Variants in RASA2 observed in about 807,000 individuals in gnomAD.
RASA2 encodes the protein ras GTPase-activating protein 2.
RASA2 carries 155 observed loss-of-function variants against 118.2 expected under a neutral mutation model. The observed-to-expected ratio is 1.31, with a 90% CI of 1.15 to 1.50. RASA2 has a LOEUF of 1.50. Ranked by LOEUF, RASA2 falls within the 40% of genes most tolerant of loss-of-function variation. RASA2 has a pLI of 0.00. For synonymous variants in RASA2, 353 were observed against 349.1 expected (o/e 1.01, Z -0.12); for missense variants, 1,016 against 1,009.6 (o/e 1.01, Z -0.09).
At chr3:141,535,170 A>G (rs1219127428) in intron 4 of RASA2, among the ~76,000 whole-genome samples, 2 of 152,180 alleles carry the variant, frequency 1.3e-5, no homozygotes, top group Non-Finnish European at 2.9e-5. Context: ...TAGCAATAAC[A>G]TATTTTTAAA....
chr3:141,497,610 A>G (rs943860107), intron 1 of RASA2, among the ~76,000 whole-genome samples: 3 of 152,132 alleles, frequency 2.0e-5, no homozygotes, highest in African/African-American at 7.2e-5. Context: ...TCAAACTTAC[A>G]AATTGTAAGA....
intron 21 of RASA2, 58 bp downstream of exon 21, chr3:141,608,755 G>A: frequency 6.6e-7 from 1 of 1,505,602 alleles, no homozygotes; most frequent in Non-Finnish European, 9.2e-7. Context: ...TCCATGCAAT[G>A]TTAATATTAT....
At chr3:141,504,863 C>A (rs558849480) in intron 1 of RASA2, among the ~76,000 whole-genome samples, 1 of 152,276 alleles carries the variant, frequency 6.6e-6, no homozygotes, top group East Asian at 1.9e-4. Flanking sequence ...TGCTTTGTAG[C>A]CATACTGCCC....
At position 141,487,060 on chromosome 3, in the gene RASA2, C is replaced by T; in HGVS notation, c.-24C>T. The T allele has an allele frequency of 8.0e-7, 1 of 1,244,836 alleles. No homozygotes were observed. The highest frequency in any genetic ancestry group is 3.8e-5 in the East Asian group (1 of 26,632). 77.1% of individuals were successfully genotyped at this position (1,244,836 alleles called of 1,614,324 possible). On this transcript the variant is annotated 5_prime_UTR_variant, in exon 1 of 24. Coordinates refer to ENST00000286364, the MANE Select transcript of RASA2 (RefSeq NM_006506.5). Reference sequence around the variant, plus strand: ...TCGCCCGGCTACGCAGGCGGCAGGGCTGCGGCACGGGCCGGGCGGCACCAT... The same window carrying T: ...TCGCCCGGCTACGCAGGCGGCAGGGTTGCGGCACGGGCCGGGCGGCACCAT...
intron 19 of RASA2, among the ~76,000 whole-genome samples, chr3:141,595,231 A>C (rs1335178766): frequency 6.6e-6 from 1 of 152,240 alleles, no homozygotes; most frequent in Non-Finnish European, 1.5e-5. Context: ...AAAACGTATA[A>C]CAAAATGATA....
At chr3:141,541,484 CTT>C (rs2082404027) in intron 5 of RASA2, among the ~76,000 whole-genome samples, 1 of 151,944 alleles carries the variant, frequency 6.6e-6, no homozygotes, top group Non-Finnish European at 1.5e-5. Flanking sequence ...ATGTATGACT[CTT>C]AATATATCAG....
chr3:141,496,656 C>A (rs77468424), intron 1 of RASA2, among the ~76,000 whole-genome samples: 38,376 of 151,954 alleles, frequency 0.25, 5,427 homozygotes, highest in Non-Finnish European at 0.32. Flanking sequence ...ATTAAAAAGT[C>A]AGGAAACAAC....
intron 9 of RASA2, among the ~76,000 whole-genome samples, chr3:141,564,833 G>A (rs924845478): frequency 7.9e-5 from 12 of 152,136 alleles, no homozygotes; most frequent in African/African-American, 2.9e-4. Context: ...ACTTTTGTAA[G>A]TGAGCATTTC....
intron 19 of RASA2, among the ~76,000 whole-genome samples, chr3:141,604,343 CTCTA>C (rs2083514092): frequency 1.3e-5 from 2 of 151,990 alleles, no homozygotes; most frequent in Non-Finnish European, 2.9e-5. Flanking sequence ...ATCTTTCTGT[CTCTA>C]TCTAGTGAGG....
At chr3:141,609,085 T>C (rs2083594950) in intron 21 of RASA2, among the ~76,000 whole-genome samples, 1 of 152,216 alleles carries the variant, frequency 6.6e-6, no homozygotes, top group South Asian at 2.1e-4. Flanking sequence ...TGAACCAAGA[T>C]ATCAAGAAAG....
Position 141,613,468 on chromosome 3 carries a change from C to T in RASA2, c.*1155C>T, listed in dbSNP as rs907731832. 3 of 152,198 alleles carry T rather than the reference C, an allele frequency of 2.0e-5. No individual in the cohort carries two copies. Among genetic ancestry groups the T allele is most frequent in the African/African-American group, 7.2e-5 (3 of 41,452 alleles). The allele number at this position is 152,198 out of a possible 1,614,324, so 9.4% of individuals were successfully genotyped here. A position where few individuals can be genotyped will look rare whatever the true frequency, so the allele number is the denominator to read the frequency against. Reference sequence around the variant, plus strand: ...TTTACTTTTGTCCTAAAAACCCTAACTGTAAATAAGCAGTCGAAGCAAGTT... The same window carrying T: ...TTTACTTTTGTCCTAAAAACCCTAATTGTAAATAAGCAGTCGAAGCAAGTT... On this transcript the variant is annotated 3_prime_UTR_variant, in exon 24 of 24. Coordinates refer to ENST00000286364, the MANE Select transcript of RASA2 (RefSeq NM_006506.5).
At position 141,607,756 on chromosome 3, in the gene RASA2, A is replaced by G; in HGVS notation, c.2012A>G (p.Lys671Arg). 1 of 1,586,740 alleles carries G rather than the reference A, an allele frequency of 6.3e-7. No homozygotes were observed. Among genetic ancestry groups the G allele is most frequent in the Non-Finnish European group, 8.6e-7 (1 of 1,167,598 alleles). ...CTGGAAGAGAGCTCTTTCAACAAGAAAAATGTAAGTTATGTAAATAAATAT... is the reference window on the plus strand; with the variant it reads ...CTGGAAGAGAGCTCTTTCAACAAGAGAAATGTAAGTTATGTAAATAAATAT... Reference protein sequence around the residue: ...EKLEESSFNKKNMFQVIHTEK... With the variant: ...EKLEESSFNKRNMFQVIHTEK... The change falls in exon 20 of 24, where the codon AAA (lysine) becomes AGA (arginine). Residue 671 changes from lysine to arginine, a missense_variant. Physicochemically the swap from Lys to Arg is conservative, Grantham distance 26 (BLOSUM62 2). Transcript: ENST00000286364.
intron 3 of RASA2, among the ~76,000 whole-genome samples, chr3:141,528,079 C>T (rs1024134298): frequency 6.6e-6 from 1 of 151,792 alleles, no homozygotes; most frequent in Non-Finnish European, 1.5e-5. Context: ...TATGTTTTAA[C>T]TTCATGTATT....
chr3:141,518,814 T>C (rs80194165), intron 3 of RASA2, among the ~76,000 whole-genome samples: 2,069 of 152,284 alleles, frequency 0.014, 61 homozygotes, highest in African/African-American at 0.047. Flanking sequence ...GGTGTATTTC[T>C]TCCATTCTTT....
intron 18 of RASA2, 120 bp from the exon 19 acceptor site, chr3:141,586,526 T>C: frequency 1.6e-6 from 1 of 623,634 alleles, no homozygotes; most frequent in Non-Finnish European, 2.6e-6. Flanking sequence ...AAAAACATTT[T>C]TATATATTTA....
intron 1 of RASA2, among the ~76,000 whole-genome samples, chr3:141,502,577 C>T (rs2081800300): frequency 6.6e-6 from 1 of 152,104 alleles, no homozygotes. Flanking sequence ...ATGCCTTCCT[C>T]CTGGAACGTT....
At position 141,529,810 on chromosome 3, in the gene RASA2, T is replaced by C; in HGVS notation, c.450+8T>C. 3 of 1,573,590 alleles carry C rather than the reference T, an allele frequency of 1.9e-6. No homozygotes were observed. Among genetic ancestry groups the C allele is most frequent in the Non-Finnish European group, 2.6e-6 (3 of 1,145,602 alleles). ...TCCAATTCAGAGGTTCAGGTAAATA[T>C]TAAGGCTTATGTAATACAAGAGATT... is the stretch of plus-strand genomic sequence containing the variant. On this transcript the variant is annotated splice_region_variant and intron_variant, in intron 4 of 23. Transcript: ENST00000286364.
chr3:141,592,963 T>C (rs893277124), intron 19 of RASA2, among the ~76,000 whole-genome samples: 1 of 151,656 alleles, frequency 6.6e-6, no homozygotes, highest in African/African-American at 2.4e-5. Flanking sequence ...CTAACTCTTA[T>C]AGATAACAAT....
chr3:141,537,683 C>T (rs938137380), intron 4 of RASA2, among the ~76,000 whole-genome samples: 1 of 152,072 alleles, frequency 6.6e-6, no homozygotes, highest in Non-Finnish European at 1.5e-5. Context: ...GCAGGAGAAT[C>T]GCTTGAACCC....
Sources: allele counts gnomAD v4.1 joint callset (sites outside exome capture counted in the v4.1 genomes callset), GRCh38; gene constraint gnomAD v4.1.1; transcripts MANE v1.5; gene names NCBI Gene and HGNC (gene_info 2026-07-23, HGNC 2026-07-21).